RASA2: variants seen among roughly 807,000 people sequenced by gnomAD.
RASA2 encodes the protein RAS p21 protein activator 2.
Under a neutral mutation model 118.2 loss-of-function variants are expected in RASA2, and 155 were observed. The observed-to-expected ratio is 1.31, with a 90% CI of 1.15 to 1.50. The LOEUF is 1.50. RASA2 is among the 40% of genes most tolerant of loss of function. RASA2 has a pLI of 0.00. For synonymous variants in RASA2, 353 were observed against 349.1 expected (o/e 1.01, Z -0.12); for missense variants, 1,016 against 1,009.6 (o/e 1.01, Z -0.09).
At chr3:141,514,817 A>T (rs1006332762) in intron 2 of RASA2, among the ~76,000 whole-genome samples, 2 of 152,256 alleles carry the variant, frequency 1.3e-5, no homozygotes, top group Non-Finnish European at 2.9e-5. Context: ...ATGGAATACT[A>T]TGCAGCAATT....
intron 3 of RASA2, among the ~76,000 whole-genome samples, chr3:141,529,480 CCT>C (rs1695546302): frequency 6.6e-6 from 1 of 152,004 alleles, no homozygotes; most frequent in South Asian, 2.1e-4. Flanking sequence ...TATCTAATCC[CCT>C]GATTCAAAAT....
intron 5 of RASA2, among the ~76,000 whole-genome samples, chr3:141,542,683 A>G (rs2082422223): frequency 6.6e-6 from 1 of 152,114 alleles, no homozygotes; most frequent in Non-Finnish European, 1.5e-5. Flanking sequence ...GTTATAGATC[A>G]TTTTATCATG....
intron 15 of RASA2, 88 bp downstream of exon 15, chr3:141,577,194 G>A (rs2083027035): frequency 4.0e-6 from 4 of 1,005,860 alleles, no homozygotes; most frequent in African/African-American, 1.7e-5. Context: ...ATTTCACTAG[G>A]CTGTATTTTC....
At chr3:141,561,022 A>C (rs1047943517) in intron 9 of RASA2, among the ~76,000 whole-genome samples, 34 of 152,274 alleles carry the variant, frequency 2.2e-4, no homozygotes, top group African/African-American at 7.7e-4. Context: ...AGGCAGATCT[A>C]AGATTTATTG....
At chr3:141,555,714 A>C in intron 6 of RASA2, 126 bp from the exon 7 acceptor site, 1 of 726,110 alleles carries the variant, frequency 1.4e-6, no homozygotes, top group Non-Finnish European at 2.2e-6. Context: ...GCAATATTTA[A>C]AACTGAATCT....
intron 11 of RASA2, 133 bp downstream of exon 11, chr3:141,571,687 TA>T (rs2082922671): frequency 3.8e-6 from 3 of 795,130 alleles, no homozygotes; most frequent in African/African-American, 3.6e-5. Context: ...AAGAAGTACT[TA>T]ACAAATAACA....
At chr3:141,600,977 A>C (rs914005380) in intron 19 of RASA2, among the ~76,000 whole-genome samples, 13 of 152,250 alleles carry the variant, frequency 8.5e-5, no homozygotes, top group Admixed American at 2.0e-4. Context: ...AGCAGAAAGA[A>C]ACACACACAT....
chr3:141,600,649 G>A (rs943987082), intron 19 of RASA2: 2 of 161,140 alleles, frequency 1.2e-5, no homozygotes, highest in Admixed American at 6.4e-5. Flanking sequence ...GTCCTTCAGA[G>A]CTTCACATCT....
intron 3 of RASA2, chr3:141,526,258 C>T (rs2151091740): frequency 6.6e-6 from 1 of 152,268 alleles, no homozygotes; most frequent in Non-Finnish European, 1.5e-5. Flanking sequence ...GTGCTCTTTC[C>T]ACTGTGTCGG....
intron 19 of RASA2, among the ~76,000 whole-genome samples, chr3:141,589,886 T>C (rs1007237155): frequency 3.3e-5 from 5 of 152,054 alleles, no homozygotes; most frequent in Non-Finnish European, 7.4e-5. Flanking sequence ...GTCCACTGAT[T>C]TTAAGAGGAC....
intron 19 of RASA2, 30 bp from the exon 20 acceptor site, chr3:141,607,648 T>G (rs1041265609): frequency 2.0e-5 from 31 of 1,545,146 alleles, no homozygotes; most frequent in Non-Finnish European, 2.7e-5. Flanking sequence ...GAAATTACTT[T>G]AATTTTGTTT....
intron 1 of RASA2, among the ~76,000 whole-genome samples, chr3:141,504,590 C>A (rs1577648566): frequency 6.6e-6 from 1 of 152,188 alleles, no homozygotes; most frequent in African/African-American, 2.4e-5. Context: ...TGCTCTGCCC[C>A]TCCCCTGACC....
At position 141,586,634 on chromosome 3, in the gene RASA2, T is replaced by C; in HGVS notation, c.1827-12T>C. 1 of 1,551,766 alleles carries C rather than the reference T, an allele frequency of 6.4e-7. No homozygotes were observed. The highest frequency in any genetic ancestry group is 8.9e-7 in the Non-Finnish European group (1 of 1,126,496). Reference sequence around the variant, plus strand: ...TTTTATAGCTAAATGTTTACATCTGTTATGTTGGCAGTGAGATGTATAAAA... The same window carrying C: ...TTTTATAGCTAAATGTTTACATCTGCTATGTTGGCAGTGAGATGTATAAAA... On this transcript the variant is annotated splice_polypyrimidine_tract_variant and intron_variant, in intron 18 of 23. Transcript: ENST00000286364.
At chr3:141,531,786 A>C (rs1366431372) in intron 4 of RASA2, among the ~76,000 whole-genome samples, 4 of 152,058 alleles carry the variant, frequency 2.6e-5, no homozygotes, top group African/African-American at 9.7e-5. Context: ...TGTGGGGTGG[A>C]AGAGACATAT....
At chr3:141,599,989 A>G (rs1417261186) in intron 19 of RASA2, among the ~76,000 whole-genome samples, 1 of 152,200 alleles carries the variant, frequency 6.6e-6, no homozygotes, top group Non-Finnish European at 1.5e-5. Context: ...TACCAGATAC[A>G]TTTTTAGTCC....
chr3:141,572,036 A>G lies in RASA2; in HGVS notation c.1169+482A>G, dbSNP rs1043797901. Among the ~76,000 whole-genome samples the G allele has an allele frequency of 3.6e-4, 39 of 109,730 alleles. No individual in the cohort carries two copies. In the Admixed American group the frequency reaches 4.1e-3, roughly 12 times the overall value. The allele number at this position is 109,730 out of a possible 152,430, so 72.0% of individuals were successfully genotyped here. A position where few individuals can be genotyped will look rare whatever the true frequency, so the allele number is the denominator to read the frequency against. On this transcript the variant is annotated intron_variant, in intron 11 of 23. Transcript: ENST00000286364. ...TTTGCCTTTTTAAAAAAACATATAT[A>G]TATATATATATATATATATATATAT...
rs765502192 is a variant in RASA2 at position 141,573,112 on chromosome 3, GA to G, written c.1285-28del. The G allele has an allele frequency of 3.3e-5, 50 of 1,506,874 alleles. No homozygotes were observed. In the African/African-American group the frequency reaches 6.0e-4, roughly 18 times the overall value. The allele number at this position is 1,506,874 out of a possible 1,614,324, so 93.3% of individuals were successfully genotyped here. On this transcript the variant is annotated intron_variant, in intron 12 of 23. Transcript: ENST00000286364. Reference sequence around the variant, plus strand: ...TATTTTCATTTTGTCAGACTACTTAGAAAAAAATCATTAACTGAAAAATTTA... The same window carrying G: ...TATTTTCATTTTGTCAGACTACTTAGAAAAAATCATTAACTGAAAAATTTA...
intron 1 of RASA2, among the ~76,000 whole-genome samples, chr3:141,492,851 G>A (rs188080345): frequency 2.0e-5 from 3 of 152,168 alleles, no homozygotes; most frequent in East Asian, 3.9e-4. Context: ...AATACATATC[G>A]AAGGGTCTGT....
intron 17 of RASA2, among the ~76,000 whole-genome samples, chr3:141,585,553 C>G (rs2083187553): frequency 6.6e-6 from 1 of 152,162 alleles, no homozygotes; most frequent in Non-Finnish European, 1.5e-5. Context: ...AATTCCAGCA[C>G]TTTGGTAGGC....
Sources: gnomAD v4.1 joint callset for allele counts (sites outside exome capture counted in the v4.1 genomes callset) on GRCh38, gnomAD v4.1.1 for gene constraint, MANE v1.5 for transcripts, NCBI Gene and HGNC (gene_info 2026-07-23, HGNC 2026-07-21) for gene names.